The following GALNT13 variants were observed in gnomAD, a reference collection of about 807,000 sequenced individuals.
The protein encoded by GALNT13 is UDP-GalNAc:polypeptide N-acetylgalactosaminyltransferase 13.
Under a neutral mutation model 64.2 loss-of-function variants are expected in GALNT13, and 28 were observed. The ratio of observed to expected loss-of-function variants is 0.44; its 90% CI spans 0.32 to 0.60. GALNT13 has a LOEUF of 0.60. GALNT13 is among the 20% of genes least tolerant of loss of function. The probability of loss-of-function intolerance (pLI) is 0.05; values close to 1 mark genes in which losing one functional copy is unlikely to be tolerated. For synonymous variants in GALNT13, 214 were observed against 224.6 expected (o/e 0.95, Z 0.42); for missense variants, 577 against 669.8 (o/e 0.86, Z 1.53).
chr2:153,661,393 G>T, the GALNT13 span, among the ~76,000 whole-genome samples: 25 of 152,118 alleles, frequency 1.6e-4, no homozygotes, highest in Admixed American at 5.2e-4. Context: ...TGATTTATAA[G>T]ATTCACAGTG....
the GALNT13 span, among the ~76,000 whole-genome samples, chr2:153,111,130 T>C: frequency 6.6e-6 from 1 of 152,114 alleles, no homozygotes; most frequent in Non-Finnish European, 1.5e-5. Flanking sequence ...TTTCCAAAAG[T>C]GTATTTCTCA....
intron 11 of GALNT13, among the ~76,000 whole-genome samples, chr2:154,415,484 A>G (rs1375569638): frequency 6.6e-6 from 1 of 152,112 alleles, no homozygotes; most frequent in East Asian, 1.9e-4. Context: ...TATTGCGGTA[A>G]ATGATTCAGA....
chr2:154,278,926 A>T (rs953254411), intron 8 of GALNT13, among the ~76,000 whole-genome samples: 2 of 152,176 alleles, frequency 1.3e-5, no homozygotes, highest in African/African-American at 4.8e-5. Flanking sequence ...TTTTATCATA[A>T]ATTTAAAATA....
intron 3 of GALNT13, among the ~76,000 whole-genome samples, chr2:153,979,188 A>G (rs573310211): frequency 1.7e-4 from 26 of 152,176 alleles, no homozygotes; most frequent in Non-Finnish European, 3.5e-4. Flanking sequence ...AAAATAAACT[A>G]TTTAATTTAC....
At chr2:154,303,637 G>A (rs535567551) in intron 9 of GALNT13, among the ~76,000 whole-genome samples, 57 of 152,114 alleles carry the variant, frequency 3.7e-4, no homozygotes, top group Middle Eastern at 3.4e-3. Context: ...CTATATCAGC[G>A]ACTAACCCAC....
At chr2:153,931,936 G>A (rs937741705) in intron 2 of GALNT13, among the ~76,000 whole-genome samples, 8 of 152,088 alleles carry the variant, frequency 5.3e-5, no homozygotes, top group Admixed American at 5.2e-4. Context: ...AGTAAGATTG[G>A]CACCAGTTCT....
chr2:154,350,410 A>G (rs1478505310), intron 9 of GALNT13, among the ~76,000 whole-genome samples: 1 of 152,128 alleles, frequency 6.6e-6, no homozygotes, highest in African/African-American at 2.4e-5. Context: ...CCTGCCCTCC[A>G]ATGTTGGACT....
At chr2:153,243,417 C>T in the GALNT13 span, among the ~76,000 whole-genome samples, 1 of 151,624 alleles carries the variant, frequency 6.6e-6, no homozygotes, top group Non-Finnish European at 1.5e-5. Context: ...GCAGTCAGAC[C>T]TTATCTACAC....
chr2:153,760,763 C>T, the GALNT13 span, among the ~76,000 whole-genome samples: 2 of 152,042 alleles, frequency 1.3e-5, no homozygotes, highest in Non-Finnish European at 2.9e-5. Context: ...AAGGATATTT[C>T]AAAGCTAATG....
intron 3 of GALNT13, among the ~76,000 whole-genome samples, chr2:154,102,539 G>T (rs1285946527): frequency 1.3e-5 from 2 of 152,134 alleles, no homozygotes; most frequent in Admixed American, 6.6e-5. Context: ...TGGGAGTGGG[G>T]TGAGGGATAA....
At chr2:153,441,161 C>A in the GALNT13 span, among the ~76,000 whole-genome samples, 1 of 152,184 alleles carries the variant, frequency 6.6e-6, no homozygotes, top group Non-Finnish European at 1.5e-5. Flanking sequence ...CAGATTTCTG[C>A]ATATGGCTGG....
intron 3 of GALNT13, among the ~76,000 whole-genome samples, chr2:154,053,666 A>G (rs1699761910): frequency 6.6e-6 from 1 of 152,172 alleles, no homozygotes; most frequent in Non-Finnish European, 1.5e-5. Context: ...GGTTAGCAAT[A>G]TCTAGGTATG....
chr2:153,944,754 T>C, intron 3 of GALNT13, 115 bp downstream of exon 3: 1 of 811,866 alleles, frequency 1.2e-6, no homozygotes, highest in South Asian at 2.0e-5. Context: ...GAAGAGCATT[T>C]TGGCAGCACT....
chr2:153,527,168 A>T, the GALNT13 span, among the ~76,000 whole-genome samples: 2 of 152,152 alleles, frequency 1.3e-5, no homozygotes, highest in Non-Finnish European at 2.9e-5. Flanking sequence ...CTACAGACAG[A>T]TATCATTATC....
At chr2:153,869,122 C>A (rs1312225353), upstream of GALNT13, among the ~76,000 whole-genome samples, 2 of 152,018 alleles carry the variant, frequency 1.3e-5, no homozygotes, top group Non-Finnish European at 2.9e-5. Context: ...GACCTTACAA[C>A]CTCTATGTTC....
the GALNT13 span, among the ~76,000 whole-genome samples, chr2:153,234,740 T>C: frequency 6.6e-6 from 1 of 152,152 alleles, no homozygotes; most frequent in African/African-American, 2.4e-5. Context: ...TACTGAGCTT[T>C]ATGATTAGAA....
At chr2:153,607,707 C>G in the GALNT13 span, among the ~76,000 whole-genome samples, 1 of 151,906 alleles carries the variant, frequency 6.6e-6, no homozygotes, top group Non-Finnish European at 1.5e-5. Context: ...AAATAAGGTT[C>G]TGTTTTTCTG....
chr2:153,554,402 C>A, the GALNT13 span, among the ~76,000 whole-genome samples: 1 of 151,910 alleles, frequency 6.6e-6, no homozygotes, highest in African/African-American at 2.4e-5. Context: ...TGGTCAGTTG[C>A]CTTAGATAGG....
chr2:153,828,190 T>C, the GALNT13 span, among the ~76,000 whole-genome samples: 2 of 152,368 alleles, frequency 1.3e-5, no homozygotes, highest in East Asian at 1.9e-4. Flanking sequence ...TCAGTGGATC[T>C]ACCCTTCTGG....
Sources: gnomAD v4.1 joint callset for allele counts (sites outside exome capture counted in the v4.1 genomes callset) on GRCh38, gnomAD v4.1.1 for gene constraint, MANE v1.5 for transcripts, NCBI Gene and HGNC (gene_info 2026-07-23, HGNC 2026-07-21) for gene names.